FTCDNL1: variants seen among roughly 807,000 people sequenced by gnomAD.
The protein encoded by FTCDNL1 is formiminotransferase N-terminal subdomain-containing protein.
FTCDNL1 carries 11 observed loss-of-function variants against 5.9 expected under a neutral mutation model. That is an observed-to-expected ratio of 1.87 (90% CI 1.18 to 3.10). The LOEUF (loss-of-function observed/expected upper bound fraction) is 3.10, where lower values mean the gene tolerates loss of function less well. Ranked by LOEUF, FTCDNL1 falls within the 30% of genes most tolerant of loss-of-function variation. The pLI is 0.00. For synonymous variants in FTCDNL1, 58 were observed against 24.8 expected, an observed-to-expected ratio of 2.34 and a Z score of -3.99; for missense variants, 115 against 65.5, an observed-to-expected ratio of 1.76 and a Z score of -2.61.
the FTCDNL1 span, among the ~76,000 whole-genome samples, chr2:199,744,115 G>T: frequency 6.6e-6 from 1 of 152,108 alleles, no homozygotes; most frequent in Admixed American, 6.6e-5. Context: ...ACCTGAGAAA[G>T]TCTTTCATTT....
downstream of FTCDNL1, among the ~76,000 whole-genome samples, chr2:199,804,941 G>T (rs947442498): frequency 2.0e-5 from 3 of 152,228 alleles, no homozygotes; most frequent in African/African-American, 7.2e-5. Flanking sequence ...ACTCACTACA[G>T]CAGGGGTCCT....
downstream of FTCDNL1, among the ~76,000 whole-genome samples, chr2:199,756,814 A>T (rs745593195): frequency 5.3e-5 from 8 of 152,170 alleles, no homozygotes; most frequent in Admixed American, 2.0e-4. Context: ...GCCCTGTTCC[A>T]TGTCCTCTTC....
At chr2:199,675,241 T>G in the FTCDNL1 span, among the ~76,000 whole-genome samples, 1 of 152,204 alleles carries the variant, frequency 6.6e-6, no homozygotes, top group East Asian at 1.9e-4. Context: ...CACTCTTGCT[T>G]TTAATTGTTG....
At chr2:199,793,502 G>A (rs1414651037) in intron 3 of FTCDNL1, among the ~76,000 whole-genome samples, 1 of 151,726 alleles carries the variant, frequency 6.6e-6, no homozygotes, top group Admixed American at 6.6e-5. Context: ...TTGAAGTTTG[G>A]TGCAGTCCGT....
the FTCDNL1 span, among the ~76,000 whole-genome samples, chr2:199,715,899 T>C: frequency 1.3e-5 from 2 of 152,020 alleles, no homozygotes; most frequent in Non-Finnish European, 2.9e-5. Context: ...TTAATCCCGC[T>C]CTGAAAAATG....
At chr2:199,775,633 A>G (rs1035486262) in intron 3 of FTCDNL1, among the ~76,000 whole-genome samples, 1 of 152,196 alleles carries the variant, frequency 6.6e-6, no homozygotes, top group African/African-American at 2.4e-5. Context: ...AGCTGCTGCT[A>G]ATAATGGCAG....
At chr2:199,783,064 A>G (rs1699451325) in intron 3 of FTCDNL1, among the ~76,000 whole-genome samples, 1 of 152,198 alleles carries the variant, frequency 6.6e-6, no homozygotes, top group Admixed American at 6.5e-5. Flanking sequence ...TTGACTTGCT[A>G]TTCATGATGA....
intron 3 of FTCDNL1, among the ~76,000 whole-genome samples, chr2:199,776,956 A>ATGTGTGTGTGTG (rs1463129328): frequency 1.8e-5 from 2 of 110,172 alleles, no homozygotes; most frequent in African/African-American, 7.7e-5. Context: ...AGATGTGTGT[A>ATGTGTGTGTGTG]TATGTGTGTG....
the FTCDNL1 span, among the ~76,000 whole-genome samples, chr2:199,668,843 G>C: frequency 2.0e-5 from 3 of 152,056 alleles, no homozygotes; most frequent in Non-Finnish European, 4.4e-5. Flanking sequence ...GAGTTCCCAG[G>C]GGAACTCGGG....
At chr2:199,695,843 G>T in the FTCDNL1 span, among the ~76,000 whole-genome samples, 2 of 152,234 alleles carry the variant, frequency 1.3e-5, no homozygotes, top group African/African-American at 2.4e-5. Context: ...CATCCCCAAG[G>T]ATCACCATAC....
chr2:199,830,579 G>A (rs1702304543), intron 3 of FTCDNL1, among the ~76,000 whole-genome samples: 1 of 152,148 alleles, frequency 6.6e-6, no homozygotes, highest in Non-Finnish European at 1.5e-5. Context: ...CTGCTTTGAA[G>A]TGTGAAGCTG....
At chr2:199,791,979 G>A (rs988762942) in intron 3 of FTCDNL1, among the ~76,000 whole-genome samples, 6 of 151,750 alleles carry the variant, frequency 4.0e-5, no homozygotes, top group African/African-American at 9.7e-5. Flanking sequence ...AATTAGCTAC[G>A]TTATCCCCTT....
At position 199,782,249 on chromosome 2, in the gene FTCDNL1, T is replaced by C. The variant is rs542852990; in HGVS notation, c.212-21414A>G. Among the ~76,000 whole-genome samples the C allele has an allele frequency of 4.1e-4, 62 of 152,332 alleles. 1 individual carries two copies. The highest frequency in any genetic ancestry group is 7.2e-4 in the Non-Finnish European group (49 of 68,034). ...GAATTAGAGATATGATTTCTTTACT[T>C]CTTCAATGTCTGTCACACTTGGGCA... On this transcript the variant is annotated intron_variant, in intron 3 of 3. Coordinates refer to the FTCDNL1 transcript ENST00000416668.
chr2:199,830,661 C>T (rs182420744), intron 3 of FTCDNL1, among the ~76,000 whole-genome samples: 4 of 151,512 alleles, frequency 2.6e-5, no homozygotes, highest in African/African-American at 7.3e-5. Context: ...AGTTAAAGCG[C>T]GGGGCCCTAA....
At chr2:199,813,931 A>C (rs1701192845) in intron 4 of FTCDNL1, among the ~76,000 whole-genome samples, 1 of 146,920 alleles carries the variant, frequency 6.8e-6, no homozygotes, top group African/African-American at 2.5e-5. Flanking sequence ...AAAAAAAAAA[A>C]AAAAAAAAAA....
the FTCDNL1 span, among the ~76,000 whole-genome samples, chr2:199,712,322 G>T: frequency 6.6e-6 from 1 of 152,076 alleles, no homozygotes; most frequent in Non-Finnish European, 1.5e-5. Context: ...CACCATTTGG[G>T]ATATTAAATA....
At chr2:199,728,130 A>G in the FTCDNL1 span, among the ~76,000 whole-genome samples, 1 of 152,194 alleles carries the variant, frequency 6.6e-6, no homozygotes, top group African/African-American at 2.4e-5. Flanking sequence ...ATCAGCTATC[A>G]AGATTCTAAT....
At chr2:199,845,526 G>A (rs2076708453) in intron 3 of FTCDNL1, among the ~76,000 whole-genome samples, 1 of 151,968 alleles carries the variant, frequency 6.6e-6, no homozygotes, top group South Asian at 2.1e-4. Flanking sequence ...AGTCGAGATC[G>A]GGCCACTGCA....
chr2:199,830,925 T>C (rs1702332539), intron 3 of FTCDNL1, among the ~76,000 whole-genome samples: 1 of 152,222 alleles, frequency 6.6e-6, no homozygotes, highest in Admixed American at 6.5e-5. Flanking sequence ...TGAGATCAAG[T>C]GCAATTCCTA....
Sources: allele counts gnomAD v4.1 joint callset (sites outside exome capture counted in the v4.1 genomes callset), GRCh38; gene constraint gnomAD v4.1.1; transcripts MANE v1.5; gene names NCBI Gene and HGNC (gene_info 2026-07-23, HGNC 2026-07-21).